NBPF11: variants seen among roughly 807,000 people sequenced by gnomAD.
NBPF11 encodes the protein NBPF family member NBPF11.
A neutral mutation model predicts 93.9 loss-of-function variants in NBPF11; 72 were observed. That is an observed-to-expected ratio of 0.77 (90% CI 0.63 to 0.93). The LOEUF (loss-of-function observed/expected upper bound fraction) is 0.93. NBPF11 is among the 40% of genes least tolerant of loss of function. The pLI is 0.00. For synonymous variants in NBPF11, 224 were observed against 304.9 expected (o/e 0.73, Z 2.76); for missense variants, 705 against 802.2 (o/e 0.88, Z 1.46).
chr1:148,149,419 C>G, intron 1 of NBPF11: 2 of 1,580,412 alleles, frequency 1.3e-6, no homozygotes, highest in Non-Finnish European at 1.7e-6. Context: ...ACTTCTCGCA[C>G]GGGCTGGCGC....
At chr1:148,128,978 A>T (rs1398184063) in intron 4 of NBPF11, among the ~76,000 whole-genome samples, 2 of 148,280 alleles carry the variant, frequency 1.3e-5, no homozygotes, top group Admixed American at 6.7e-5. Context: ...GGCGGGGAAC[A>T]TCACACACCA....
intron 2 of NBPF11, among the ~76,000 whole-genome samples, chr1:148,140,658 C>T (rs3958216): frequency 6.6e-6 from 1 of 151,126 alleles, no homozygotes; most frequent in Non-Finnish European, 1.5e-5. Context: ...GAGAAAGATG[C>T]TCAAAATCAT....
At chr1:148,115,395 C>T (rs1361004236) in intron 14 of NBPF11, among the ~76,000 whole-genome samples, 1 of 149,588 alleles carries the variant, frequency 6.7e-6, no homozygotes, top group Non-Finnish European at 1.5e-5. Context: ...GCAGTGAAAC[C>T]TGGGGAAAAA....
Position 148,122,187 on chromosome 1 carries a change from C to G in NBPF11, c.646G>C (p.Gly216Arg). ...ECAITCSNSH[G>R]PCDSIQPHKN... ...TGAGGCTGGATGGAGTCACAAGGGC[C>G]GTGGCTATTTGAACAAGTGATGGCA... Residue 216 changes from glycine (G) to arginine (R), a missense_variant, in exon 9 of 24, where the codon GGC (glycine) becomes CGC (arginine). Physicochemically the swap from Gly to Arg is moderately radical, Grantham distance 125. Transcript: ENST00000682118. 1.2e-6 allele frequency: 2 copies of G among 1,612,692 alleles called. No individual in the cohort carries two copies. The highest frequency in any genetic ancestry group is 8.5e-7 in the Non-Finnish European group (1 of 1,179,600).
intron 17 of NBPF11, among the ~76,000 whole-genome samples, chr1:148,108,963 C>A (rs1441285513): frequency 6.6e-6 from 1 of 151,166 alleles, no homozygotes; most frequent in Non-Finnish European, 1.5e-5. Flanking sequence ...TTTGTGCTCT[C>A]AGGACACACA....
Position 148,139,190 on chromosome 1 carries a change from A to C in NBPF11, c.-276-1381T>G, listed in dbSNP as rs1488922535. Among the ~76,000 whole-genome samples the C allele has an allele frequency of 9.9e-5, 15 of 151,616 alleles. No individual in the cohort carries two copies. In the East Asian group the frequency reaches 2.9e-3, roughly 29 times the overall value. The stretch of plus-strand genomic sequence containing the variant: ...TCTCAATTTTAATAGGAGATTTTAA[A>C]AAATTCCTTTTCTTGTGCTCACCAG... On this transcript the variant is annotated intron_variant, in intron 2 of 23. Coordinates refer to ENST00000682118, the MANE Select transcript of NBPF11 (RefSeq NM_001385469.3).
Position 148,106,324 on chromosome 1 carries a change from G to C in NBPF11, c.2252-92C>G. On this transcript the variant is annotated intron_variant, in intron 20 of 23. Coordinates refer to ENST00000682118, the MANE Select transcript of NBPF11 (RefSeq NM_001385469.3). ...TCTAATCCCCACACAGGGATCTCAG[G>C]CTCCTCAGCATGAGAACAGGACAAT... 8.5e-6 allele frequency: 6 copies of C among 707,362 alleles called. No homozygotes were observed. The South Asian group carries it at 9.0e-5, about 11-fold the overall frequency. 43.8% of individuals were successfully genotyped at this position (707,362 alleles called of 1,614,324 possible).
chr1:148,126,191 G>A (rs1181063696), intron 5 of NBPF11, among the ~76,000 whole-genome samples: 2 of 151,748 alleles, frequency 1.3e-5, no homozygotes, highest in African/African-American at 4.9e-5. Flanking sequence ...AGTGGAGACG[G>A]GGTTTCTCCA....
chr1:148,115,902 G>C lies in NBPF11; in HGVS notation c.1476C>G (p.Asn492Lys). ...TGATTTTGGTTTTTCTATGTGGCTG[G>C]TTGGAGTCATAAGGGCCATGGCTAT... Reference protein sequence around the residue: ...CSNSHGPYDSNQPHRKTKITF... With the variant: ...CSNSHGPYDSKQPHRKTKITF... Residue 492 changes from asparagine to lysine, a missense_variant, in exon 14 of 24, where the codon AAC becomes AAG. By Grantham distance (94) the Asn-to-Lys change is moderately conservative (BLOSUM62 0). Coordinates refer to ENST00000682118, the MANE Select transcript of NBPF11 (RefSeq NM_001385469.3). 2 of 1,582,724 alleles carry C rather than the reference G, an allele frequency of 1.3e-6. No individual in the cohort carries two copies. The highest frequency in any genetic ancestry group is 1.7e-5 in the Admixed American group (1 of 57,216).
At chr1:148,120,759 C>G in intron 9 of NBPF11, 49 bp from the exon 10 acceptor site, 3 of 1,294,828 alleles carry the variant, frequency 2.3e-6, no homozygotes, top group East Asian at 2.3e-5. Flanking sequence ...CTGGTGAAAT[C>G]AAATAGGCTT....
intron 7 of NBPF11, among the ~76,000 whole-genome samples, chr1:148,123,584 C>A (rs1668404130): frequency 6.6e-6 from 1 of 151,498 alleles, no homozygotes; most frequent in African/African-American, 2.4e-5. Context: ...ATCACAGCCT[C>A]CTTCCTGTCC....
chr1:148,105,721 G>GAT lies in NBPF11; in HGVS notation c.2304-194_2304-193insAT, dbSNP rs1236891274. On this transcript the variant is annotated intron_variant, in intron 21 of 23. Coordinates refer to ENST00000682118, the MANE Select transcript of NBPF11 (RefSeq NM_001385469.3). ...TGGAAAAGAATGAAAGAGAAAGACAGACACACACACACACACACACACACA... is the reference window on the plus strand; with the variant it reads ...TGGAAAAGAATGAAAGAGAAAGACAGATACACACACACACACACACACACACA... 8.4e-4 allele frequency among the ~76,000 whole-genome samples: 81 copies of GAT among 96,020 alleles called. 2 individuals are homozygous for GAT. Among genetic ancestry groups the GAT allele is most frequent in the Non-Finnish European group, 8.9e-4 (47 of 53,010 alleles). The allele number at this position is 96,020 out of a possible 152,430, so 63.0% of individuals were successfully genotyped here.
chr1:148,146,777 G>A, intron 1 of NBPF11: 2 of 1,613,288 alleles, frequency 1.2e-6, no homozygotes, highest in Non-Finnish European at 1.7e-6. Flanking sequence ...GGCCAGATGA[G>A]CAGCTTCTAC....
chr1:148,120,090 T>C (rs74755206), intron 10 of NBPF11, among the ~76,000 whole-genome samples: 42,381 of 147,144 alleles, frequency 0.29, 6,827 homozygotes, highest in African/African-American at 0.47. Context: ...CAGAGCTTTG[T>C]GTATTGGGCC....
chr1:148,129,033 T>G (rs2404383), intron 4 of NBPF11, among the ~76,000 whole-genome samples: 1 of 148,422 alleles, frequency 6.7e-6, no homozygotes, highest in African/African-American at 2.5e-5. Context: ...AGCATTAGGA[T>G]ATATACCTGG....
At chr1:148,133,513 T>C (rs1396580475) in intron 4 of NBPF11, among the ~76,000 whole-genome samples, 4 of 152,096 alleles carry the variant, frequency 2.6e-5, no homozygotes, top group African/African-American at 9.7e-5. Flanking sequence ...ATGCTGAGCA[T>C]TTTCTGGGGT....
chr1:148,132,474 G>T (rs1183132954), intron 4 of NBPF11, among the ~76,000 whole-genome samples: 1 of 147,366 alleles, frequency 6.8e-6, no homozygotes, highest in Non-Finnish European at 1.5e-5. Context: ...TATTATTCTT[G>T]ATCATTGACA....
intron 16 of NBPF11, 148 bp from the exon 17 acceptor site, chr1:148,109,483 G>A: frequency 1.4e-6 from 1 of 700,654 alleles, no homozygotes. Flanking sequence ...GTAGGCCTGA[G>A]GTCAAGTCTT....
chr1:148,146,109 C>A (rs1352461158), intron 1 of NBPF11, among the ~76,000 whole-genome samples: 2 of 151,414 alleles, frequency 1.3e-5, no homozygotes, highest in African/African-American at 4.9e-5. Context: ...GGCGGGCGGC[C>A]GGGAGCCATG....
Sources: gnomAD v4.1 joint callset for allele counts (sites outside exome capture counted in the v4.1 genomes callset) on GRCh38, gnomAD v4.1.1 for gene constraint, MANE v1.5 for transcripts, NCBI Gene and HGNC (gene_info 2026-07-23, HGNC 2026-07-21) for gene names.